CCDC62: variants seen among roughly 807,000 people sequenced by gnomAD.
CCDC62 encodes the protein coiled-coil domain containing 62.
In CCDC62, 72 loss-of-function variants were observed where a neutral mutation model predicts 80.8. The ratio of observed to expected loss-of-function variants is 0.89; its 90% CI spans 0.74 to 1.08. The LOEUF (loss-of-function observed/expected upper bound fraction) is 1.08. Among genes scored for constraint, CCDC62 ranks in the 50% least tolerant of loss-of-function variants. The pLI, the probability that CCDC62 is intolerant of heterozygous loss-of-function variation, is 0.00. For missense variants in CCDC62, 704 were observed against 809.4 expected, an observed-to-expected ratio of 0.87 and a Z score of 1.58; for synonymous variants, 286 against 296.5, an observed-to-expected ratio of 0.96 and a Z score of 0.36.
chr12:122,812,783 G>GAAAGA (rs1555257992), intron 10 of CCDC62, among the ~76,000 whole-genome samples: 1 of 111,882 alleles, frequency 8.9e-6, no homozygotes, highest in Non-Finnish European at 1.8e-5. Flanking sequence ...GAGAGAGAAA[G>GAAAGA]AAAGAAAGAA....
At chr12:122,820,061 C>A (rs1464700382) in intron 11 of CCDC62, among the ~76,000 whole-genome samples, 138 of 58,100 alleles carry the variant, frequency 2.4e-3, no homozygotes, top group South Asian at 7.5e-3. Flanking sequence ...GATCCTGTCT[C>A]AAAAAAAAAA....
At chr12:122,800,208 G>A (rs935934317) in intron 8 of CCDC62, among the ~76,000 whole-genome samples, 5 of 127,210 alleles carry the variant, frequency 3.9e-5, no homozygotes, top group Admixed American at 3.7e-4. Flanking sequence ...GGGTTTCGTC[G>A]TGTTGCGAAG....
chr12:122,778,198 C>G (rs925896339), intron 2 of CCDC62, among the ~76,000 whole-genome samples: 2 of 151,742 alleles, frequency 1.3e-5, no homozygotes, highest in Non-Finnish European at 2.9e-5. Flanking sequence ...ACTAAAAATA[C>G]AAAAAGTTAA....
At chr12:122,805,028 GC>G (rs1004790492) in intron 9 of CCDC62, among the ~76,000 whole-genome samples, 2 of 151,540 alleles carry the variant, frequency 1.3e-5, no homozygotes, top group African/African-American at 4.9e-5. Context: ...GAGATTACAG[GC>G]GCGCGCCACC....
intron 6 of CCDC62, among the ~76,000 whole-genome samples, chr12:122,797,102 T>C (rs2031007932): frequency 6.6e-6 from 1 of 152,086 alleles, no homozygotes; most frequent in Non-Finnish European, 1.5e-5. Context: ...AGTCTCGAAC[T>C]CTTGACCTCA....
chr12:122,826,431 CTA>C lies in CCDC62; in HGVS notation c.*52_*53del. 1 of 780,160 alleles carries C rather than the reference CTA, an allele frequency of 1.3e-6. No individual in the cohort carries two copies. The highest frequency in any genetic ancestry group is 2.4e-6 in the Non-Finnish European group (1 of 417,842). 48.3% of individuals were successfully genotyped at this position (780,160 alleles called of 1,614,324 possible). On this transcript the variant is annotated 3_prime_UTR_variant, in exon 13 of 13. Coordinates refer to ENST00000253079, the MANE Select transcript of CCDC62 (RefSeq NM_201435.5). The stretch of plus-strand genomic sequence containing the variant: ...CTTCATCCAAAAGCAGATTTCTCAT[CTA>C]TGTGGAAGGCAGAAAGCAGACACCA...
In CCDC62 at chr12:122,774,790, T is replaced by C. The variant is rs757858244; in HGVS notation, c.36+84T>C. On this transcript the variant is annotated intron_variant, in intron 1 of 12. Coordinates refer to ENST00000253079, the MANE Select transcript of CCDC62 (RefSeq NM_201435.5). ...TCTATTGCTTCTCAAGAACGGTGTC[T>C]ACTTAAAATGTGAAACAGGCCGGGC... 173 of 1,089,636 alleles carry C rather than the reference T, an allele frequency of 1.6e-4. 1 individual carries two copies. Among genetic ancestry groups the C allele is most frequent in the Non-Finnish European group, 2.0e-4 (166 of 848,888 alleles). 67.5% of individuals were successfully genotyped at this position (1,089,636 alleles called of 1,614,324 possible). A position where few individuals can be genotyped will look rare whatever the true frequency, so the allele number is the denominator to read the frequency against.
At chr12:122,825,993 C>CAAA (rs61129769) in intron 12 of CCDC62, among the ~76,000 whole-genome samples, 32 of 110,242 alleles carry the variant, frequency 2.9e-4, no homozygotes, top group East Asian at 5.9e-4. Flanking sequence ...AACTCCGTCT[C>CAAA]AAAAAAAAAA....
chr12:122,778,826 C>T (rs1158232929), intron 2 of CCDC62, among the ~76,000 whole-genome samples: 1 of 152,122 alleles, frequency 6.6e-6, no homozygotes, highest in Non-Finnish European at 1.5e-5. Context: ...TTGCAGTGAG[C>T]CAAGATTGCG....
chr12:122,781,473 G>A (rs879525627), intron 3 of CCDC62, 143 bp downstream of exon 3: 26 of 703,238 alleles, frequency 3.7e-5, no homozygotes, highest in Non-Finnish European at 4.8e-5. Context: ...ATCACCTGAG[G>A]TCAGGAGTTC....
intron 11 of CCDC62, among the ~76,000 whole-genome samples, chr12:122,815,604 A>G (rs529158114): frequency 1.4e-4 from 21 of 151,632 alleles, no homozygotes; most frequent in East Asian, 9.8e-4. Flanking sequence ...CCGCCACCAC[A>G]CCCGGCTAAT....
At chr12:122,816,731 TC>T (rs2032180123) in intron 11 of CCDC62, among the ~76,000 whole-genome samples, 1 of 152,092 alleles carries the variant, frequency 6.6e-6, no homozygotes, top group East Asian at 1.9e-4. Context: ...AGACCCTATA[TC>T]AAAAAGAGAG....
chr12:122,804,524 C>G (rs1163531011), intron 9 of CCDC62, among the ~76,000 whole-genome samples: 1 of 152,004 alleles, frequency 6.6e-6, no homozygotes, highest in Non-Finnish European at 1.5e-5. Flanking sequence ...GTGGCTCATG[C>G]CTGTAATCCC....
At chr12:122,823,981 G>A (rs2032511630) in intron 12 of CCDC62, among the ~76,000 whole-genome samples, 2 of 151,120 alleles carry the variant, frequency 1.3e-5, no homozygotes, top group South Asian at 2.1e-4. Context: ...GCAAGACTCC[G>A]TCTCAAAAAA....
intron 10 of CCDC62, among the ~76,000 whole-genome samples, chr12:122,808,771 C>T (rs1361680042): frequency 2.0e-5 from 3 of 152,160 alleles, no homozygotes; most frequent in East Asian, 3.8e-4. Context: ...AAGCAATCCT[C>T]CTGCCTCAGC....
chr12:122,824,978 C>T (rs1475667570), intron 12 of CCDC62, among the ~76,000 whole-genome samples: 2 of 151,450 alleles, frequency 1.3e-5, no homozygotes, highest in African/African-American at 4.8e-5. Flanking sequence ...CCCAGCTACT[C>T]AGGAGGCTGA....
intron 6 of CCDC62, 36 bp downstream of exon 6, chr12:122,792,157 C>A: frequency 8.1e-7 from 1 of 1,235,380 alleles, no homozygotes; most frequent in Non-Finnish European, 1.2e-6. Flanking sequence ...GTAACCTAGA[C>A]TTGCAATGAT....
chr12:122,812,817 A>AAGAAAGAG (rs2031995302), intron 10 of CCDC62, among the ~76,000 whole-genome samples: 12 of 149,986 alleles, frequency 8.0e-5, no homozygotes, highest in African/African-American at 2.7e-4. Context: ...GAAAGAAAGA[A>AAGAAAGAG]AGAAAGAAAG....
chr12:122,817,658 C>T (rs2032225603), intron 11 of CCDC62, among the ~76,000 whole-genome samples: 1 of 152,188 alleles, frequency 6.6e-6, no homozygotes, highest in Admixed American at 6.6e-5. Flanking sequence ...ATTATAGCAA[C>T]AGATGTCTCC....
Sources: allele counts gnomAD v4.1 joint callset (sites outside exome capture counted in the v4.1 genomes callset), GRCh38; gene constraint gnomAD v4.1.1; transcripts MANE v1.5; gene names NCBI Gene and HGNC (gene_info 2026-07-23, HGNC 2026-07-21).